Variants in ATRNL1 observed in about 807,000 individuals in gnomAD.
The protein encoded by ATRNL1 is attractin like 1, also known as attractin-like protein 1.
In ATRNL1, 95 loss-of-function variants were observed where a neutral mutation model predicts 182.7. That is an observed-to-expected ratio of 0.52 (90% CI 0.44 to 0.62). ATRNL1 has a LOEUF of 0.62. Among genes scored for constraint, ATRNL1 ranks in the 20% least tolerant of loss-of-function variants. ATRNL1 has a pLI of 0.00. For synonymous variants in ATRNL1, 576 were observed against 568.3 expected (o/e 1.01, Z -0.19); for missense variants, 1,471 against 1,679.5 (o/e 0.88, Z 2.17).
chr10:115,199,320 C>T (rs181556638), intron 8 of ATRNL1, among the ~76,000 whole-genome samples: 2 of 151,908 alleles, frequency 1.3e-5, no homozygotes, highest in Non-Finnish European at 2.9e-5. Context: ...GTAATCCCAG[C>T]ACTTTGGAGG....
intron 24 of ATRNL1, among the ~76,000 whole-genome samples, chr10:115,513,907 A>G (rs1850512072): frequency 6.6e-6 from 1 of 151,944 alleles, no homozygotes; most frequent in South Asian, 2.1e-4. Flanking sequence ...CCAAGTACAA[A>G]AACTGCTTGT....
chr10:115,391,311 C>A (rs782420097), intron 19 of ATRNL1, among the ~76,000 whole-genome samples: 1 of 152,074 alleles, frequency 6.6e-6, no homozygotes, highest in Non-Finnish European at 1.5e-5. Flanking sequence ...TAGGTTGATG[C>A]AGAAGTAATT....
chr10:115,719,117 A>G lies in ATRNL1; in HGVS notation c.3796-8131A>G, dbSNP rs912195502. Among the ~76,000 whole-genome samples, 17 of 152,292 alleles carry G rather than the reference A, an allele frequency of 1.1e-4. No individual in the cohort carries two copies. In the South Asian group the frequency reaches 3.3e-3, roughly 30 times the overall value. On this transcript the variant is annotated intron_variant, in intron 26 of 28. Transcript: ENST00000355044. The stretch of plus-strand genomic sequence containing the variant: ...TAAAAACGATGAAAGAAAAAAACAA[A>G]ATTTTTCCTAGAATTTTAGTCTAAG...
At chr10:115,927,005 C>T (rs1555120475) in intron 28 of ATRNL1, among the ~76,000 whole-genome samples, 1 of 151,994 alleles carries the variant, frequency 6.6e-6, no homozygotes, top group Admixed American at 6.6e-5. Flanking sequence ...AACATCGATG[C>T]AAAAATCCTT....
At chr10:115,222,643 T>G (rs1218796818) in intron 9 of ATRNL1, among the ~76,000 whole-genome samples, 2 of 152,186 alleles carry the variant, frequency 1.3e-5, no homozygotes, top group Admixed American at 1.3e-4. Context: ...CCAGAATACA[T>G]GTTTTCAAAT....
intron 24 of ATRNL1, among the ~76,000 whole-genome samples, chr10:115,473,120 A>G (rs1554972434): frequency 1.3e-5 from 2 of 151,142 alleles, no homozygotes; most frequent in Admixed American, 6.6e-5. Flanking sequence ...TTTGTCCTTC[A>G]TTCTGTTAAT....
intron 28 of ATRNL1, among the ~76,000 whole-genome samples, chr10:115,922,857 T>C (rs1001841446): frequency 2.0e-4 from 30 of 152,198 alleles, no homozygotes; most frequent in African/African-American, 7.0e-4. Flanking sequence ...TTTATTTCTA[T>C]AGAAACAAAG....
At chr10:115,687,766 T>C (rs1565286542) in intron 26 of ATRNL1, among the ~76,000 whole-genome samples, 2 of 152,106 alleles carry the variant, frequency 1.3e-5, no homozygotes, top group African/African-American at 4.8e-5. Context: ...TCAGGGTAAT[T>C]GGAGTATCAA....
At chr10:115,503,807 A>G (rs781966703) in intron 24 of ATRNL1, among the ~76,000 whole-genome samples, 3 of 151,836 alleles carry the variant, frequency 2.0e-5, no homozygotes, top group Non-Finnish European at 4.4e-5. Context: ...CAGTTATTTT[A>G]TTATAGGACT....
chr10:115,389,558 A>G (rs11197199), intron 19 of ATRNL1, among the ~76,000 whole-genome samples: 1,297 of 74,530 alleles, frequency 0.017, 63 homozygotes, highest in African/African-American at 0.035. Flanking sequence ...ATATATATAT[A>G]TATATATATA....
chr10:115,307,787 G>T (rs971058724), intron 17 of ATRNL1, among the ~76,000 whole-genome samples: 74 of 152,278 alleles, frequency 4.9e-4, no homozygotes, highest in African/African-American at 1.8e-3. Flanking sequence ...GGGACTAGGA[G>T]TAAAATGACA....
At chr10:115,222,721 A>G (rs1482301198) in intron 9 of ATRNL1, among the ~76,000 whole-genome samples, 2 of 152,198 alleles carry the variant, frequency 1.3e-5, no homozygotes, top group African/African-American at 4.8e-5. Context: ...TGTAAGCAAA[A>G]TAAGAGCATT....
chr10:115,389,579 T>C (rs1373338412), intron 19 of ATRNL1, among the ~76,000 whole-genome samples: 4 of 116,076 alleles, frequency 3.4e-5, no homozygotes, highest in Non-Finnish European at 3.6e-5. Context: ...TATATATATA[T>C]ATATATATAT....
chr10:115,566,944 T>TA, intron 26 of ATRNL1, among the ~76,000 whole-genome samples: 1 of 152,154 alleles, frequency 6.6e-6, no homozygotes, highest in Admixed American at 6.6e-5. Flanking sequence ...ATGGCATACT[T>TA]ATTGATGAAT....
intron 26 of ATRNL1, among the ~76,000 whole-genome samples, chr10:115,566,956 A>G (rs782059369): frequency 2.2e-4 from 34 of 152,154 alleles, no homozygotes; most frequent in Non-Finnish European, 3.5e-4. Context: ...TTGATGAATC[A>G]TATTCCAATT....
At chr10:115,340,476 C>CTTTTT (rs1430940795) in intron 19 of ATRNL1, among the ~76,000 whole-genome samples, 3 of 95,108 alleles carry the variant, frequency 3.2e-5, no homozygotes, top group South Asian at 3.8e-4. Context: ...CTTTTCTTTT[C>CTTTTT]TTTTTTTTTT....
At chr10:115,439,543 T>C (rs1409929121) in intron 21 of ATRNL1, among the ~76,000 whole-genome samples, 10 of 151,994 alleles carry the variant, frequency 6.6e-5, no homozygotes, top group African/African-American at 2.2e-4. Context: ...TCCAGTCATT[T>C]ATTTATGTAT....
chr10:115,849,891 C>T (rs912229748), intron 28 of ATRNL1, among the ~76,000 whole-genome samples: 2 of 152,140 alleles, frequency 1.3e-5, no homozygotes, highest in East Asian at 3.9e-4. Flanking sequence ...TTTACAAAAG[C>T]AAGCATTTGG....
chr10:115,592,984 C>T (rs1200484295), intron 26 of ATRNL1, among the ~76,000 whole-genome samples: 1 of 151,942 alleles, frequency 6.6e-6, no homozygotes, highest in Admixed American at 6.6e-5. Flanking sequence ...CATTTTGTGT[C>T]ACTATAACCA....
Sources: gnomAD v4.1 joint callset for allele counts (sites outside exome capture counted in the v4.1 genomes callset) on GRCh38, gnomAD v4.1.1 for gene constraint, MANE v1.5 for transcripts, NCBI Gene and HGNC (gene_info 2026-07-23, HGNC 2026-07-21) for gene names.